Variants in RGSL1 observed in about 807,000 individuals in gnomAD.
RGSL1 encodes the protein regulator of G protein signaling protein-like.
In RGSL1, 97 loss-of-function variants were observed where a neutral mutation model predicts 124.7. The observed-to-expected ratio is 0.78, with a 90% CI of 0.66 to 0.92. RGSL1 has a LOEUF of 0.92. Among genes scored for constraint, RGSL1 ranks in the 40% least tolerant of loss-of-function variants. RGSL1 has a pLI of 0.00. For synonymous variants in RGSL1, 424 were observed against 438.1 expected (o/e 0.97, Z 0.40); for missense variants, 1,233 against 1,288.4 (o/e 0.96, Z 0.66).
At chr1:182,478,448 A>T (rs1381802222) in intron 6 of RGSL1, among the ~76,000 whole-genome samples, 3 of 152,208 alleles carry the variant, frequency 2.0e-5, no homozygotes, top group Admixed American at 1.3e-4. Flanking sequence ...AGCAGGCTTG[A>T]TTAGGCTTCA....
In RGSL1 at chr1:182,493,126, A is replaced by C. The variant is rs1655658337; in HGVS notation, c.1822A>C (p.Ile608Leu). 1 of 1,543,032 alleles carries C rather than the reference A, an allele frequency of 6.5e-7. No homozygotes were observed. The highest frequency in any genetic ancestry group is 8.8e-7 in the Non-Finnish European group (1 of 1,139,384). ...YKIYCEKAPKIDFKMEIIKET... is the reference protein window; with the variant it reads ...YKIYCEKAPKLDFKMEIIKET... ...AATATACTGTGAGAAAGCACCTAAA[A>C]TAGGCAAGTGTTTAAAATCAGGGAT... Residue 608 changes from isoleucine to leucine, a missense_variant, in exon 9 of 22, where the codon ATA (isoleucine) becomes CTA (leucine). By Grantham distance (5) the Ile-to-Leu change is conservative. Coordinates refer to ENST00000294854, the MANE Select transcript of RGSL1 (RefSeq NM_001137669.2).
intron 14 of RGSL1, among the ~76,000 whole-genome samples, chr1:182,533,686 G>A (rs1366963580): frequency 6.6e-6 from 1 of 152,132 alleles, no homozygotes; most frequent in African/African-American, 2.4e-5. Flanking sequence ...AATGAGAATT[G>A]TTTCTATTTC....
At chr1:182,465,104 T>G (rs994555509) in intron 4 of RGSL1, among the ~76,000 whole-genome samples, 1 of 151,766 alleles carries the variant, frequency 6.6e-6, no homozygotes. Flanking sequence ...AAAGTGAAAG[T>G]GGGGACATTA....
At chr1:182,518,031 A>G (rs1346567898) in intron 9 of RGSL1, among the ~76,000 whole-genome samples, 2 of 145,944 alleles carry the variant, frequency 1.4e-5, no homozygotes, top group Non-Finnish European at 3.0e-5. Flanking sequence ...ATATTTGCTT[A>G]GAGGTTTTTT....
At chr1:182,540,137 G>C in intron 14 of RGSL1, 110 bp from the exon 15 acceptor site, 2 of 1,116,428 alleles carry the variant, frequency 1.8e-6, no homozygotes, top group Non-Finnish European at 2.4e-6. Context: ...TATTTCAGTA[G>C]GCCAAAAGGA....
intron 13 of RGSL1, among the ~76,000 whole-genome samples, chr1:182,531,656 A>G (rs983443824): frequency 6.6e-6 from 1 of 152,160 alleles, no homozygotes; most frequent in African/African-American, 2.4e-5. Context: ...TCCTCCATAT[A>G]TGAATAAACT....
chr1:182,479,170 A>C (rs1446184782), intron 6 of RGSL1, among the ~76,000 whole-genome samples: 1 of 152,210 alleles, frequency 6.6e-6, no homozygotes, highest in Non-Finnish European at 1.5e-5. Context: ...CTCACTGCTA[A>C]AGGTAAATAT....
At position 182,529,494 on chromosome 1, in the gene RGSL1, T is replaced by C. The variant is rs561616082; in HGVS notation, c.2126-750T>C. ...TTGTGTCTTATTTTGTTTCCTAAGGTGGGAGGGTAAATATGGTAAATAAAA... is the reference window on the plus strand; with the variant it reads ...TTGTGTCTTATTTTGTTTCCTAAGGCGGGAGGGTAAATATGGTAAATAAAA... On this transcript the variant is annotated intron_variant, in intron 11 of 21. Coordinates refer to ENST00000294854, the MANE Select transcript of RGSL1 (RefSeq NM_001137669.2). Among the ~76,000 whole-genome samples the C allele has an allele frequency of 4.0e-4, 61 of 152,236 alleles. 1 individual carries two copies. Among genetic ancestry groups the C allele is most frequent in the Middle Eastern group, 3.4e-3 (1 of 294 alleles).
intron 4 of RGSL1, among the ~76,000 whole-genome samples, chr1:182,461,194 C>T (rs1652804291): frequency 6.6e-6 from 1 of 151,470 alleles, no homozygotes; most frequent in South Asian, 2.1e-4. Context: ...AAAACAACTG[C>T]ATATATGGAG....
intron 9 of RGSL1, among the ~76,000 whole-genome samples, chr1:182,509,760 G>A (rs1244746835): frequency 7.6e-6 from 1 of 131,724 alleles, no homozygotes; most frequent in Non-Finnish European, 1.7e-5. Context: ...CTGGCCGGGT[G>A]GGGGGGCTGA....
At chr1:182,535,804 C>T (rs950732473) in intron 14 of RGSL1, among the ~76,000 whole-genome samples, 3 of 152,092 alleles carry the variant, frequency 2.0e-5, no homozygotes, top group Non-Finnish European at 4.4e-5. Flanking sequence ...TTTTAAGCTA[C>T]AATTTTATAC....
At chr1:182,551,971 T>C (rs924525468) in intron 18 of RGSL1, among the ~76,000 whole-genome samples, 1 of 152,194 alleles carries the variant, frequency 6.6e-6, no homozygotes, top group Non-Finnish European at 1.5e-5. Flanking sequence ...GGTTCTTCCA[T>C]AAAGCCTGAG....
rs1355718892 is a variant in RGSL1, at chr1:182,474,490, C to T, written c.1379C>T (p.Pro460Leu). 1 of 1,550,922 alleles carries T rather than the reference C, an allele frequency of 6.4e-7. No homozygotes were observed. The change falls in exon 6 of 22, where the codon CCC becomes CTC. Residue 460 changes from proline to leucine, a missense_variant. Transcript: ENST00000294854. ...QTIQGLKELLPSGDVIPWIPK... is the reference protein window; with the variant it reads ...QTIQGLKELLLSGDVIPWIPK... ...ATTCAGGGCCTGAAGGAACTATTGC[C>T]CTCTGGGGATGTGATCCCCTGGATT...
At chr1:182,493,663 T>C (rs1655696285) in intron 9 of RGSL1, among the ~76,000 whole-genome samples, 1 of 152,214 alleles carries the variant, frequency 6.6e-6, no homozygotes, top group African/African-American at 2.4e-5. Context: ...TTCTTCCACA[T>C]TGATCCACGG....
intron 18 of RGSL1, among the ~76,000 whole-genome samples, chr1:182,551,704 TA>T (rs1478776851): frequency 6.6e-6 from 1 of 151,608 alleles, no homozygotes; most frequent in Non-Finnish European, 1.5e-5. Context: ...TTTACTTATG[TA>T]AAAATTCGTA....
intron 6 of RGSL1, among the ~76,000 whole-genome samples, chr1:182,481,981 A>G (rs907686965): frequency 4.6e-5 from 7 of 152,206 alleles, no homozygotes; most frequent in African/African-American, 1.7e-4. Context: ...TTTAAAAAGA[A>G]AAGAAAAAAA....
At position 182,514,748 on chromosome 1, in the gene RGSL1, C is replaced by T. The variant is rs537198441; in HGVS notation, c.1826-7256C>T. On this transcript the variant is annotated intron_variant, in intron 9 of 21. Transcript: ENST00000294854. ...GCATGAGACTGAAGCTGGATAGGAC[C>T]TTTCTACAGAAAAGGTCCAACTGCC... 3.3e-5 allele frequency among the ~76,000 whole-genome samples: 5 copies of T among 152,256 alleles called. No homozygotes were observed. In the South Asian group the frequency reaches 1.0e-3, roughly 32 times the overall value.
chr1:182,490,864 G>A (rs929450772), intron 8 of RGSL1, among the ~76,000 whole-genome samples: 3 of 151,728 alleles, frequency 2.0e-5, no homozygotes, highest in African/African-American at 7.3e-5. Context: ...AGGTAGGTTG[G>A]TGTCTCAAGC....
chr1:182,535,739 G>T (rs936053387), intron 14 of RGSL1, among the ~76,000 whole-genome samples: 2 of 151,966 alleles, frequency 1.3e-5, no homozygotes, highest in African/African-American at 4.8e-5. Context: ...ATGCATTCTT[G>T]CTGCTTTGTT....
Sources: allele counts gnomAD v4.1 joint callset (sites outside exome capture counted in the v4.1 genomes callset), GRCh38; gene constraint gnomAD v4.1.1; transcripts MANE v1.5; gene names NCBI Gene and HGNC (gene_info 2026-07-23, HGNC 2026-07-21).